Variants in NTHL1 observed in about 807,000 individuals in gnomAD.
The protein encoded by NTHL1 is nth like DNA glycosylase 1, also known as endonuclease III-like protein 1.
NTHL1 carries 32 observed loss-of-function variants against 32.3 expected under a neutral mutation model. That is an observed-to-expected ratio of 0.99 (90% CI 0.75 to 1.33). The LOEUF (loss-of-function observed/expected upper bound fraction) is 1.33. Ranked by LOEUF, NTHL1 falls within the 40% of genes most tolerant of loss-of-function variation. The pLI is 0.00. For missense variants in NTHL1, 501 were observed against 414.1 expected (o/e 1.21, Z -1.82); for synonymous variants, 188 against 176.9 (o/e 1.06, Z -0.50).
chr16:2,042,346 G>C (rs1407468272), intron 4 of NTHL1, among the ~76,000 whole-genome samples: 1 of 152,204 alleles, frequency 6.6e-6, no homozygotes, highest in Non-Finnish European at 1.5e-5. Flanking sequence ...GGTGACGCTG[G>C]GAGTCTCAGT....
intron 1 of NTHL1, 140 bp downstream of exon 1, chr16:2,047,569 G>A (rs1395310827): frequency 6.7e-6 from 9 of 1,337,204 alleles, no homozygotes; most frequent in Non-Finnish European, 8.9e-6. Flanking sequence ...GGAACGCAGG[G>A]CCGCACGTGG....
At chr16:2,042,811 C>G (rs1219131305) in intron 4 of NTHL1, among the ~76,000 whole-genome samples, 1 of 107,746 alleles carries the variant, frequency 9.3e-6, no homozygotes, top group African/African-American at 3.6e-5. Flanking sequence ...TCCCTCTCAA[C>G]CCTCCCCTCT....
intron 2 of NTHL1, among the ~76,000 whole-genome samples, chr16:2,045,126 C>G (rs1490059244): frequency 6.6e-6 from 1 of 152,114 alleles, no homozygotes; most frequent in Non-Finnish European, 1.5e-5. Context: ...CACCTGAAGT[C>G]AGGAGTTTGA....
rs749810824 is a variant in NTHL1, at chr16:2,046,306, G to A, written c.176C>T (p.Ala59Val). The A allele has an allele frequency of 1.6e-5, 26 of 1,612,854 alleles. No homozygotes were observed. In the South Asian group the frequency reaches 2.6e-4, roughly 16 times the overall value. ...RPRKAQRLRVAYEGSDSEKGE... is the reference protein window; with the variant it reads ...RPRKAQRLRVVYEGSDSEKGE... The stretch of plus-strand genomic sequence containing the variant: ...TTTCTCACTGTCCGAGCCCTCATAG[G>A]CCACACGCAGTCTCTGTGCTTTCCG... Residue 59 changes from alanine (A) to valine (V), a missense_variant, in exon 2 of 6, where the codon GCC (alanine) becomes GTC (valine). Ala to Val is a moderately conservative substitution (Grantham distance 64). Transcript: ENST00000651570.
At position 2,044,406 on chromosome 16, in the gene NTHL1, G is replaced by A. The variant is rs1297116730; in HGVS notation, c.525+224C>T. On this transcript the variant is annotated intron_variant, in intron 3 of 5. Transcript: ENST00000651570. The surrounding 1 kb of genome is among the most constrained non-coding windows in gnomAD (Gnocchi z 5.0). ...GGAAGGGTGGGCAGGCGGCGAGGCG[G>A]GGAAGCAGAGGAAGGAAGGGAGGAT... Among the ~76,000 whole-genome samples the A allele has an allele frequency of 1.3e-5, 2 of 152,292 alleles. No individual in the cohort carries two copies. Among genetic ancestry groups the A allele is most frequent in the Middle Eastern group, 3.4e-3 (1 of 294 alleles).
Position 2,043,435 on chromosome 16 carries a change from G to A in NTHL1, c.685+132C>T, listed in dbSNP as rs2084296130. ...AGTGGGGCTGGCCTGGCTCCACCCT[G>A]GGAGCACCTTTCTGACTCTATGGGC... On this transcript the variant is annotated intron_variant, in intron 4 of 5. Coordinates refer to ENST00000651570, the MANE Select transcript of NTHL1 (RefSeq NM_002528.7). This position sits in a 1 kb window ranked among gnomAD's most constrained non-coding sequence, Gnocchi z 4.4. 5.3e-6 allele frequency: 7 copies of A among 1,309,700 alleles called. No individual in the cohort carries two copies. The Admixed American group carries it at 1.2e-4, about 22-fold the overall frequency. 81.1% of individuals were successfully genotyped at this position (1,309,700 alleles called of 1,614,324 possible).
At position 2,045,299 on chromosome 16, in the gene NTHL1, T is replaced by C. The variant is rs3211974; in HGVS notation, c.355-499A>G. Among the ~76,000 whole-genome samples the C allele has an allele frequency of 2.5e-3, 377 of 151,746 alleles. 2 individuals are homozygous for C. Among genetic ancestry groups the C allele is most frequent in the African/African-American group, 8.8e-3 (363 of 41,412 alleles). On this transcript the variant is annotated intron_variant, in intron 2 of 5. Transcript: ENST00000651570. ...TTGCAGTGAGCTAAGATTTCACCAC[T>C]GCACTCCAGCCTGGGCAACAAGAGC...
At position 2,044,767 on chromosome 16, in the gene NTHL1, G is replaced by C. The variant is rs1177580110; in HGVS notation, c.388C>G (p.Leu130Val). 1.2e-6 allele frequency: 2 copies of C among 1,611,450 alleles called. No homozygotes were observed. The highest frequency in any genetic ancestry group is 3.3e-5 in the Admixed American group (2 of 59,864). Reference sequence around the variant, plus strand: ...ACCTGGTCTTTGGTTTGGCTGGAGAGCATCAGTGACAGCAGCACCTGGTAC... The same window carrying C: ...ACCTGGTCTTTGGTTTGGCTGGAGACCATCAGTGACAGCAGCACCTGGTAC... ...RRYQVLLSLM[L>V]SSQTKDQVTA... The change falls in exon 3 of 6, where the codon CTC (leucine) becomes GTC (valine). Residue 130 changes from leucine (L) to valine (V), a missense_variant. Coordinates refer to ENST00000651570, the MANE Select transcript of NTHL1 (RefSeq NM_002528.7). The surrounding 1 kb of genome is among the most constrained non-coding windows in gnomAD (Gnocchi z 5.0).
intron 4 of NTHL1, among the ~76,000 whole-genome samples, chr16:2,040,974 G>A (rs1442285760): frequency 1.3e-5 from 2 of 152,206 alleles, no homozygotes; most frequent in Non-Finnish European, 2.9e-5. Flanking sequence ...CTGGCCGGCC[G>A]CAGCTGCTGT....
rs748412700 is a variant in NTHL1 at position 2,043,931 on chromosome 16, G to A, written c.526-205C>T. 7.4e-5 allele frequency: 45 copies of A among 607,378 alleles called. No individual in the cohort carries two copies. The highest frequency in any genetic ancestry group is 9.5e-5 in the South Asian group (5 of 52,644). The allele number at this position is 607,378 out of a possible 1,614,324, so 37.6% of individuals were successfully genotyped here. Reference sequence around the variant, plus strand: ...TAGGCCTGACCCCCTCCTCCCACCCGTGTGGGCCAATGATGCACGTGTAGG... The same window carrying A: ...TAGGCCTGACCCCCTCCTCCCACCCATGTGGGCCAATGATGCACGTGTAGG... On this transcript the variant is annotated intron_variant, in intron 3 of 5. Coordinates refer to ENST00000651570, the MANE Select transcript of NTHL1 (RefSeq NM_002528.7). The surrounding 1 kb of genome is among the most constrained non-coding windows in gnomAD (Gnocchi z 4.4).
rs150766139 is a variant in NTHL1, at chr16:2,046,238, G to A, written c.244C>T (p.Gln82Ter). ...EPLKVPVWEP[Q>*]DWQQQLVNIR... ...TTGACCAGCTGTTGCTGCCAGTCCT[G>A]GGGCTCCCAGACTGGCACCTTGAGG... Residue 82 changes from glutamine to a stop codon, truncating the protein, a stop_gained, in exon 2 of 6, where the codon CAG (glutamine) becomes TAG (stop). Coordinates refer to ENST00000651570, the MANE Select transcript of NTHL1 (RefSeq NM_002528.7). LOFTEE classifies it high-confidence loss of function. 1.6e-3 allele frequency: 2,568 copies of A among 1,613,200 alleles called. 1 individual carries two copies. The highest frequency in any genetic ancestry group is 1.8e-3 in the Non-Finnish European group (2,084 of 1,180,000).
Position 2,046,435 on chromosome 16 carries a change from C to T in NTHL1, c.116-69G>A, listed in dbSNP as rs533779168. On this transcript the variant is annotated intron_variant, in intron 1 of 5. Coordinates refer to ENST00000651570, the MANE Select transcript of NTHL1 (RefSeq NM_002528.7). ...AAGGTAGGGTAGGGGTGCCATCCCG[C>T]CTGCTAGCTCACCCCTCACTCGTTC... is the stretch of plus-strand genomic sequence containing the variant. 29 of 1,398,740 alleles carry T rather than the reference C, an allele frequency of 2.1e-5. No individual in the cohort carries two copies. In the South Asian group the frequency reaches 3.0e-4, roughly 14 times the overall value. The allele number at this position is 1,398,740 out of a possible 1,614,324, so 86.6% of individuals were successfully genotyped here.
intron 2 of NTHL1, 147 bp downstream of exon 2, chr16:2,045,981 T>G: frequency 1.4e-6 from 1 of 697,874 alleles, no homozygotes; most frequent in Non-Finnish European, 2.5e-6. Flanking sequence ...GCTACAGTGA[T>G]GCAGGCGATG....
At position 2,046,233 on chromosome 16, in the gene NTHL1, GTCCTGGGGC is replaced by G. The variant is rs1462985500; in HGVS notation, c.240_248del (p.Glu80_Gln82del). 1 of 1,613,284 alleles carries G rather than the reference GTCCTGGGGC, an allele frequency of 6.2e-7. No individual in the cohort carries two copies. Among genetic ancestry groups the G allele is most frequent in the Admixed American group, 1.7e-5 (1 of 60,026 alleles). The stretch of plus-strand genomic sequence containing the variant: ...GGATGTTGACCAGCTGTTGCTGCCA[GTCCTGGGGC>G]TCCCAGACTGGCACCTTGAGGGGCT... On this transcript the variant is annotated inframe_deletion, in exon 2 of 6. Coordinates refer to ENST00000651570, the MANE Select transcript of NTHL1 (RefSeq NM_002528.7).
intron 4 of NTHL1, among the ~76,000 whole-genome samples, chr16:2,041,105 C>A (rs965974889): frequency 1.5e-4 from 23 of 152,248 alleles, no homozygotes; most frequent in African/African-American, 5.1e-4. Context: ...CTCCTCCTCC[C>A]GTGTTTCCCA....
chr16:2,045,612 T>C (rs1459065766), intron 2 of NTHL1, among the ~76,000 whole-genome samples: 1 of 152,088 alleles, frequency 6.6e-6, no homozygotes, highest in East Asian at 1.9e-4. Flanking sequence ...AATTTTTGTA[T>C]TTTTAGTAGA....
chr16:2,040,132 C>T lies in NTHL1; in HGVS notation c.791+1G>A, dbSNP rs374616565. On this transcript the variant is annotated splice_donor_variant, in intron 5 of 5. Coordinates refer to ENST00000651570, the MANE Select transcript of NTHL1 (RefSeq NM_002528.7). LOFTEE classifies it high-confidence loss of function. ...CTAGGAAGCCCCCCACATACTCATA[C>T]CTAGGCAGCCACTCCTCCAGGGCGG... 4 of 1,613,486 alleles carry T rather than the reference C, an allele frequency of 2.5e-6. No individual in the cohort carries two copies. In the African/African-American group the frequency reaches 4.0e-5, roughly 16 times the overall value.
At chr16:2,045,489 T>C (rs2084333452) in intron 2 of NTHL1, among the ~76,000 whole-genome samples, 2 of 152,112 alleles carry the variant, frequency 1.3e-5, no homozygotes, top group Non-Finnish European at 2.9e-5. Flanking sequence ...CAGGCTGAAG[T>C]GTGGTGGTGC....
chr16:2,045,015 G>A (rs960993102), intron 2 of NTHL1, among the ~76,000 whole-genome samples: 1 of 152,184 alleles, frequency 6.6e-6, no homozygotes, highest in Non-Finnish European at 1.5e-5. Flanking sequence ...GGAGTAATGT[G>A]AAGCTTAAAT....
Sources: gnomAD v4.1 joint callset for allele counts (sites outside exome capture counted in the v4.1 genomes callset) on GRCh38, gnomAD v4.1.1 for gene constraint, Gnocchi (gnomAD v3.1) non-coding constraint, MANE v1.5 for transcripts, NCBI Gene and HGNC (gene_info 2026-07-23, HGNC 2026-07-21) for gene names.